Variants in PTPRT observed in about 807,000 individuals in gnomAD.
PTPRT encodes receptor-type tyrosine-protein phosphatase T.
PTPRT carries 56 observed loss-of-function variants against 176.8 expected under a neutral mutation model. The observed-to-expected ratio is 0.32, with a 90% CI of 0.26 to 0.40. The LOEUF is 0.40. PTPRT is among the 10% of genes least tolerant of loss of function. The pLI is 1.00. For synonymous variants in PTPRT, 783 were observed against 739.0 expected, an observed-to-expected ratio of 1.06 and a Z score of -0.96; for missense variants, 1,540 against 1,908.2, an observed-to-expected ratio of 0.81 and a Z score of 3.60.
intron 7 of PTPRT, among the ~76,000 whole-genome samples, chr20:42,645,275 C>G (rs1163366260): frequency 6.6e-6 from 1 of 152,136 alleles, no homozygotes; most frequent in Non-Finnish European, 1.5e-5. Context: ...ATGTGCTCAA[C>G]TCTGGGTCGT....
intron 5 of PTPRT, among the ~76,000 whole-genome samples, chr20:42,763,775 A>G (rs145053209): frequency 1.3e-5 from 2 of 152,332 alleles, no homozygotes; most frequent in East Asian, 3.9e-4. Flanking sequence ...ATAGAAGTAG[A>G]CATAAATCAT....
chr20:42,441,237 CAG>C (rs1167150717), intron 9 of PTPRT, among the ~76,000 whole-genome samples: 1 of 152,144 alleles, frequency 6.6e-6, no homozygotes, highest in Non-Finnish European at 1.5e-5. Context: ...AGAGAGGAAA[CAG>C]AGGGGAACCT....
chr20:42,716,211 C>T (rs1378549780), intron 6 of PTPRT, among the ~76,000 whole-genome samples: 1 of 151,964 alleles, frequency 6.6e-6, no homozygotes, highest in African/African-American at 2.4e-5. Flanking sequence ...AAACCACAGA[C>T]ATGTGAGCAA....
At chr20:42,778,065 C>A (rs923250829) in intron 4 of PTPRT, among the ~76,000 whole-genome samples, 3 of 152,144 alleles carry the variant, frequency 2.0e-5, no homozygotes, top group African/African-American at 7.2e-5. Context: ...ATGACCATGC[C>A]ACCCACACCC....
At chr20:43,109,361 C>T (rs2012761676) in intron 1 of PTPRT, among the ~76,000 whole-genome samples, 1 of 152,052 alleles carries the variant, frequency 6.6e-6, no homozygotes, top group African/African-American at 2.4e-5. Flanking sequence ...CGAAACTCTC[C>T]AGATACAAAG....
intron 13 of PTPRT, among the ~76,000 whole-genome samples, chr20:42,268,054 C>T (rs1272205304): frequency 6.6e-6 from 1 of 152,164 alleles, no homozygotes; most frequent in Non-Finnish European, 1.5e-5. Flanking sequence ...ATAATGTGGT[C>T]CTGCAGCTCT....
At chr20:42,978,802 C>T (rs1047068056) in intron 1 of PTPRT, among the ~76,000 whole-genome samples, 7 of 152,152 alleles carry the variant, frequency 4.6e-5, no homozygotes, top group Non-Finnish European at 1.0e-4. Context: ...GCCATGGCAA[C>T]GTCAGGAAGT....
intron 11 of PTPRT, among the ~76,000 whole-genome samples, chr20:42,329,484 C>T (rs6130107): frequency 2.5e-4 from 34 of 137,382 alleles, no homozygotes; most frequent in Non-Finnish European, 4.4e-4. Flanking sequence ...CACACACACA[C>T]ACACACACAC....
At chr20:42,657,160 A>G (rs564327165) in intron 7 of PTPRT, among the ~76,000 whole-genome samples, 12 of 152,112 alleles carry the variant, frequency 7.9e-5, no homozygotes, top group Non-Finnish European at 1.5e-4. Context: ...CACCATGTGA[A>G]AAAGGATGTA....
Position 42,969,157 on chromosome 20 carries a change from T to C in PTPRT, c.89-83225A>G, listed in dbSNP as rs540361444. 5.9e-5 allele frequency: 9 copies of C among 152,318 alleles called. No homozygotes were observed. The East Asian group carries it at 1.7e-3, about 29-fold the overall frequency. The allele number at this position is 152,318 out of a possible 1,614,324, so 9.4% of individuals were successfully genotyped here. A position where few individuals can be genotyped will look rare whatever the true frequency, so the allele number is the denominator to read the frequency against. ...CTAAAGGAAAATGCTCTTTTGGTGA[T>C]TGTTCTCAATTTTCACCTCATTTTA... On this transcript the variant is annotated intron_variant, in intron 1 of 30. Coordinates refer to ENST00000373187, the MANE Select transcript of PTPRT (RefSeq NM_007050.6).
chr20:42,940,400 G>A (rs574072064), intron 1 of PTPRT, among the ~76,000 whole-genome samples: 7 of 152,258 alleles, frequency 4.6e-5, no homozygotes, highest in African/African-American at 1.4e-4. Context: ...CATAACCAAG[G>A]AAAAGAAGAC....
intron 27 of PTPRT, 106 bp from the exon 28 acceptor site, chr20:42,085,959 T>C: frequency 1.5e-6 from 2 of 1,326,534 alleles, no homozygotes; most frequent in Non-Finnish European, 2.0e-6. Context: ...TTTCTTTTTT[T>C]TTTTTGAGAT....
chr20:42,349,581 G>A (rs2058246640), intron 11 of PTPRT, among the ~76,000 whole-genome samples: 2 of 152,130 alleles, frequency 1.3e-5, no homozygotes, highest in African/African-American at 4.8e-5. Context: ...CATTGCCCGA[G>A]ACAGGGTGGA....
At chr20:43,012,415 G>C (rs1413469981) in intron 1 of PTPRT, among the ~76,000 whole-genome samples, 1 of 152,154 alleles carries the variant, frequency 6.6e-6, no homozygotes, top group Non-Finnish European at 1.5e-5. Flanking sequence ...GTGGTTACTA[G>C]AGGCTGAGGG....
intron 11 of PTPRT, among the ~76,000 whole-genome samples, chr20:42,343,650 CT>C (rs2058144949): frequency 6.6e-6 from 1 of 152,178 alleles, no homozygotes; most frequent in South Asian, 2.1e-4. Flanking sequence ...TAGGCACTTT[CT>C]TTTTCTGATT....
At chr20:42,212,873 T>C (rs1200430104) in intron 15 of PTPRT, among the ~76,000 whole-genome samples, 1 of 152,234 alleles carries the variant, frequency 6.6e-6, no homozygotes, top group East Asian at 1.9e-4. Flanking sequence ...ATAATGACTT[T>C]TCTTTAAAAA....
At chr20:42,898,031 C>T (rs74551292) in intron 1 of PTPRT, among the ~76,000 whole-genome samples, 2,847 of 152,232 alleles carry the variant, frequency 0.019, 100 homozygotes, top group African/African-American at 0.065. Context: ...CTGAGTCTGC[C>T]CATCATATCC....
At chr20:42,719,681 G>T (rs2076277334) in intron 6 of PTPRT, among the ~76,000 whole-genome samples, 1 of 152,200 alleles carries the variant, frequency 6.6e-6, no homozygotes, top group African/African-American at 2.4e-5. Context: ...AAGGTCTATG[G>T]TCATGGTGAC....
chr20:42,499,239 C>T (rs181372846), intron 7 of PTPRT, among the ~76,000 whole-genome samples: 2 of 151,712 alleles, frequency 1.3e-5, no homozygotes, highest in East Asian at 3.9e-4. Context: ...TTACATTTCT[C>T]TCGACTGCAA....
Sources: gnomAD v4.1 joint callset for allele counts (sites outside exome capture counted in the v4.1 genomes callset) on GRCh38, gnomAD v4.1.1 for gene constraint, MANE v1.5 for transcripts, NCBI Gene and HGNC (gene_info 2026-07-23, HGNC 2026-07-21) for gene names.